The following ZNF652 variants were observed in gnomAD, a reference collection of about 807,000 sequenced individuals.
ZNF652 encodes zinc finger protein 652.
In ZNF652, 16 loss-of-function variants were observed where a neutral mutation model predicts 45.2. The ratio of observed to expected loss-of-function variants is 0.35; its 90% CI spans 0.24 to 0.54. The LOEUF is 0.54. Ranked by LOEUF, ZNF652 falls within the 20% of genes least tolerant of loss-of-function variation. The probability of loss-of-function intolerance (pLI) is 0.91; values close to 1 mark genes in which losing one functional copy is unlikely to be tolerated. For synonymous variants in ZNF652, 250 were observed against 260.6 expected (o/e 0.96, Z 0.39); for missense variants, 614 against 765.6 (o/e 0.80, Z 2.34).
In ZNF652 at chr17:49,317,476, T is replaced by G. The variant is rs2069824501; in HGVS notation, c.250A>C (p.Thr84Pro). Reference protein sequence around the residue: ...ETEEQPYFRETRAVSDVHAVK... With the variant: ...ETEEQPYFREPRAVSDVHAVK... ...GCATGCACGTCAGACACTGCTCTTGTCTCCCTGAAATATGGCTGTTCTTCT... is the reference window on the plus strand; with the variant it reads ...GCATGCACGTCAGACACTGCTCTTGGCTCCCTGAAATATGGCTGTTCTTCT... The change falls in exon 2 of 6, where the codon ACA becomes CCA. Residue 84 changes from threonine (T) to proline (P), a missense_variant. Around this residue, in one of 5 missense-constraint regions of ZNF652, gnomAD observed 133 missense variants for 132.2 expected, o/e 1.01. Coordinates refer to ENST00000430262, the MANE Select transcript of ZNF652 (RefSeq NM_001145365.3). 1 of 1,614,064 alleles carries G rather than the reference T, an allele frequency of 6.2e-7. No individual in the cohort carries two copies. Among genetic ancestry groups the G allele is most frequent in the African/African-American group, 1.3e-5 (1 of 74,926 alleles).
intron 1 of ZNF652, among the ~76,000 whole-genome samples, chr17:49,319,698 G>A (rs1327539094): frequency 6.8e-6 from 1 of 146,942 alleles, no homozygotes; most frequent in Non-Finnish European, 1.5e-5. Context: ...CTGGAATGCA[G>A]TGGTGCAATC....
chr17:49,312,813 G>A lies in ZNF652; in HGVS notation c.933C>T (p.Leu311=). The change falls in exon 3 of 6, where the codon CTC becomes CTT. Residue 311 remains leucine (L), a synonymous_variant. Transcript: ENST00000430262. Reference sequence around the variant, plus strand: ...TCTTGATATGTTCATGAAGGGACCAGAGTTTCTTGAACGATTTGTTACAGG... The same window carrying A: ...TCTTGATATGTTCATGAAGGGACCAAAGTTTCTTGAACGATTTGTTACAGG... ...CVSCNKSFKK[L]WSLHEHIKIV... is the part of the protein sequence containing the mutation. 6.2e-7 allele frequency: 1 copy of A among 1,613,970 alleles called. No homozygotes were observed. Among genetic ancestry groups the A allele is most frequent in the Non-Finnish European group, 8.5e-7 (1 of 1,179,942 alleles).
At chr17:49,327,869 C>T (rs1399296454) in intron 1 of ZNF652, among the ~76,000 whole-genome samples, 1 of 148,854 alleles carries the variant, frequency 6.7e-6, no homozygotes, top group Admixed American at 6.8e-5. Flanking sequence ...CTGCCTGCCT[C>T]GGCCTCCCAA....
chr17:49,317,887 C>A lies in ZNF652; in HGVS notation c.-162G>T. 1 of 781,946 alleles carries A rather than the reference C, an allele frequency of 1.3e-6. No individual in the cohort carries two copies. The highest frequency in any genetic ancestry group is 1.9e-6 in the Non-Finnish European group (1 of 526,128). 48.4% of individuals were successfully genotyped at this position (781,946 alleles called of 1,614,324 possible). A position where few individuals can be genotyped will look rare whatever the true frequency, so the allele number is the denominator to read the frequency against. ...TGCAATTCTTCCAGTGTTGCAGCACCAAAGCATGAGTCAAAAAGGTTTGGT... is the reference window on the plus strand; with the variant it reads ...TGCAATTCTTCCAGTGTTGCAGCACAAAAGCATGAGTCAAAAAGGTTTGGT... On this transcript the variant is annotated 5_prime_UTR_variant, in exon 2 of 6. Transcript: ENST00000430262.
At chr17:49,315,778 T>C (rs1052550058) in intron 2 of ZNF652, among the ~76,000 whole-genome samples, 2 of 152,206 alleles carry the variant, frequency 1.3e-5, no homozygotes, top group Non-Finnish European at 1.5e-5. Flanking sequence ...ACCCAGCGTG[T>C]TGGAGATCAA....
chr17:49,347,410 C>T (rs558837151), intron 1 of ZNF652, among the ~76,000 whole-genome samples: 1 of 152,050 alleles, frequency 6.6e-6, no homozygotes, highest in South Asian at 2.1e-4. Context: ...ACTAAAAATA[C>T]AAAAACTAGC....
Position 49,298,165 on chromosome 17 carries a change from A to T in ZNF652, c.*248T>A. 1.9e-6 allele frequency: 1 copy of T among 526,540 alleles called. No individual in the cohort carries two copies. The highest frequency in any genetic ancestry group is 3.3e-6 in the Non-Finnish European group (1 of 298,594). The allele number at this position is 526,540 out of a possible 1,614,324, so 32.6% of individuals were successfully genotyped here. A position where few individuals can be genotyped will look rare whatever the true frequency, so the allele number is the denominator to read the frequency against. On this transcript the variant is annotated 3_prime_UTR_variant, in exon 6 of 6. Coordinates refer to ENST00000430262, the MANE Select transcript of ZNF652 (RefSeq NM_001145365.3). The stretch of plus-strand genomic sequence containing the variant: ...AGTCTGAGTATTTGAAACTTATAAA[A>T]GTCATCAGAAAATGCAAGCAAATTG...
At chr17:49,321,667 G>A (rs1341698465) in intron 1 of ZNF652, among the ~76,000 whole-genome samples, 1 of 152,062 alleles carries the variant, frequency 6.6e-6, no homozygotes. Context: ...CCAGAAGTGG[G>A]GTGCTGCCTT....
intron 5 of ZNF652, among the ~76,000 whole-genome samples, chr17:49,302,332 A>G (rs1423928639): frequency 1.4e-5 from 2 of 145,172 alleles, no homozygotes; most frequent in African/African-American, 5.0e-5. Flanking sequence ...CCTGTCACCC[A>G]GGCTGGAGTG....
In ZNF652 at chr17:49,297,737, A is replaced by G. The variant is rs1476810214; in HGVS notation, c.*676T>C. 2.0e-5 allele frequency: 3 copies of G among 152,654 alleles called. No homozygotes were observed. Among genetic ancestry groups the G allele is most frequent in the Admixed American group, 1.3e-4 (2 of 15,270 alleles). The allele number at this position is 152,654 out of a possible 1,614,324, so 9.5% of individuals were successfully genotyped here. On this transcript the variant is annotated 3_prime_UTR_variant, in exon 6 of 6. Coordinates refer to ENST00000430262, the MANE Select transcript of ZNF652 (RefSeq NM_001145365.3). ...TTGATGATTATAAAAATTTTTTTCT[A>G]TTTTACAACATAGGTTCAGCTACAC...
chr17:49,327,753 A>T (rs1567690407), intron 1 of ZNF652, among the ~76,000 whole-genome samples: 5 of 17,794 alleles, frequency 2.8e-4, no homozygotes, highest in African/African-American at 1.0e-3. Flanking sequence ...ATATATATAT[A>T]TATATATATA....
intron 1 of ZNF652, among the ~76,000 whole-genome samples, chr17:49,327,766 TATATATATA>T (rs1567690518): frequency 3.7e-3 from 22 of 5,902 alleles, no homozygotes; most frequent in African/African-American, 0.017. Context: ...TATATATATA[TATATATATA>T]TATATTTTTT....
intron 1 of ZNF652, among the ~76,000 whole-genome samples, chr17:49,351,354 A>T (rs1250181291): frequency 6.6e-6 from 1 of 152,096 alleles, no homozygotes; most frequent in Admixed American, 6.6e-5. Flanking sequence ...TGAAGAATTC[A>T]CCACCAGAAG....
At position 49,341,381 on chromosome 17, in the gene ZNF652, G is replaced by C. The variant is rs147813746; in HGVS notation, c.-259+20528C>G. Among the ~76,000 whole-genome samples, 302 of 151,538 alleles carry C rather than the reference G, an allele frequency of 2.0e-3. 1 individual carries two copies. The highest frequency in any genetic ancestry group is 6.7e-3 in the African/African-American group (277 of 41,350). Reference sequence around the variant, plus strand: ...AGAAAAAAGATGGATGGCTGGGCAAGGTGGCTCATGGCTGTAATCCCAGCA... The same window carrying C: ...AGAAAAAAGATGGATGGCTGGGCAACGTGGCTCATGGCTGTAATCCCAGCA... On this transcript the variant is annotated intron_variant, in intron 1 of 5. Coordinates refer to ENST00000430262, the MANE Select transcript of ZNF652 (RefSeq NM_001145365.3).
At position 49,298,400 on chromosome 17, in the gene ZNF652, A is replaced by G. The variant is rs376698664; in HGVS notation, c.*13T>C. 3 of 1,612,220 alleles carry G rather than the reference A, an allele frequency of 1.9e-6. No homozygotes were observed. Among genetic ancestry groups the G allele is most frequent in the Non-Finnish European group, 2.5e-6 (3 of 1,179,932 alleles). On this transcript the variant is annotated 3_prime_UTR_variant, in exon 6 of 6. Transcript: ENST00000430262. ...GGACGTGTCTCCTGGAGAACACACTAAGGAGACGGATGTTAATGATGCTGT... is the reference window on the plus strand; with the variant it reads ...GGACGTGTCTCCTGGAGAACACACTGAGGAGACGGATGTTAATGATGCTGT...
chr17:49,318,232 C>A (rs1235839855), intron 1 of ZNF652, among the ~76,000 whole-genome samples: 4 of 152,126 alleles, frequency 2.6e-5, no homozygotes, highest in Non-Finnish European at 4.4e-5. Flanking sequence ...CGCCCGCCAC[C>A]ACACCTGGCT....
At chr17:49,315,043 T>TTG (rs2069780861) in intron 2 of ZNF652, among the ~76,000 whole-genome samples, 1 of 73,438 alleles carries the variant, frequency 1.4e-5, no homozygotes, top group Non-Finnish European at 2.8e-5. Flanking sequence ...TTTTAGTTTG[T>TTG]TTTTTTTTTT....
At chr17:49,328,820 T>G (rs563052993) in intron 1 of ZNF652, among the ~76,000 whole-genome samples, 13 of 152,328 alleles carry the variant, frequency 8.5e-5, no homozygotes, top group Non-Finnish European at 1.8e-4. Context: ...GCAAACAGAC[T>G]AATACAAATG....
intron 5 of ZNF652, among the ~76,000 whole-genome samples, chr17:49,310,621 G>A (rs2069696439): frequency 6.6e-6 from 1 of 152,194 alleles, no homozygotes; most frequent in Non-Finnish European, 1.5e-5. Context: ...AATGAGAGGG[G>A]CTGGGCTTGG....
Sources: gnomAD v4.1 joint callset for allele counts (sites outside exome capture counted in the v4.1 genomes callset) on GRCh38, gnomAD v4.1.1 for gene constraint, gnomAD v4.1.1 regional missense constraint, MANE v1.5 for transcripts, NCBI Gene and HGNC (gene_info 2026-07-23, HGNC 2026-07-21) for gene names.